Variants in PRMT8 observed in about 807,000 individuals in gnomAD.
PRMT8 encodes the protein protein arginine methyltransferase 8, also known as protein arginine N-methyltransferase 8.
A neutral mutation model predicts 47.1 loss-of-function variants in PRMT8; 7 were observed. The ratio of observed to expected loss-of-function variants is 0.15; its 90% CI spans 0.08 to 0.28. PRMT8 has a LOEUF of 0.28. Ranked by LOEUF, PRMT8 falls within the 10% of genes least tolerant of loss-of-function variation. The pLI, the probability that PRMT8 is intolerant of heterozygous loss-of-function variation, is 1.00. For synonymous variants in PRMT8, 188 were observed against 186.5 expected (o/e 1.01, Z -0.07); for missense variants, 237 against 505.4 (o/e 0.47, Z 5.09).
intron 1 of PRMT8, among the ~76,000 whole-genome samples, chr12:3,481,381 A>G (rs1270689950): frequency 6.6e-6 from 1 of 152,218 alleles, no homozygotes; most frequent in Non-Finnish European, 1.5e-5. Flanking sequence ...AAGGGGTGTC[A>G]TCTGCACTCC....
At chr12:3,486,404 G>C (rs1368222127), upstream of PRMT8, among the ~76,000 whole-genome samples, 2 of 152,068 alleles carry the variant, frequency 1.3e-5, no homozygotes, top group Non-Finnish European at 2.9e-5. Context: ...GAAGATAAGG[G>C]TCACCAGTGC....
chr12:3,576,802 G>C lies in PRMT8; in HGVS notation c.713-69G>C. 1 of 1,230,980 alleles carries C rather than the reference G, an allele frequency of 8.1e-7. No homozygotes were observed. The highest frequency in any genetic ancestry group is 1.2e-6 in the Non-Finnish European group (1 of 839,900). The allele number at this position is 1,230,980 out of a possible 1,614,324, so 76.3% of individuals were successfully genotyped here. ...AGCCCTCAGGCACGCTGTGCTCTAG[G>C]ACTCAGGAGGGTTGGGTGAGCTTCT... On this transcript the variant is annotated intron_variant, in intron 6 of 9. Coordinates refer to ENST00000382622, the MANE Select transcript of PRMT8 (RefSeq NM_019854.5). The surrounding 1 kb of genome is among the most constrained non-coding windows in gnomAD (Gnocchi z 4.0).
chr12:3,533,185 C>G (rs1457095849), intron 1 of PRMT8, among the ~76,000 whole-genome samples: 1 of 152,236 alleles, frequency 6.6e-6, no homozygotes, highest in Non-Finnish European at 1.5e-5. Flanking sequence ...CCCCCAACAT[C>G]CAGGCCTGGA....
rs1317107439 is a variant in PRMT8 at position 3,453,993 on chromosome 12, AG to A, written c.48+72554del. ...AGCAGCGACGTGCTCGGGTCACCTC[AG>A]GGCGGAGGGTTTGCAGGAAGGCCAG... On this transcript the variant is annotated intron_variant, in intron 1 of 9. Transcript: ENST00000452611. The surrounding 1 kb of genome is among the most constrained non-coding windows in gnomAD (Gnocchi z 4.9). Among the ~76,000 whole-genome samples, 1 of 152,138 alleles carries A rather than the reference AG, an allele frequency of 6.6e-6. No homozygotes were observed. The highest frequency in any genetic ancestry group is 1.9e-4 in the East Asian group (1 of 5,176).
At chr12:3,386,795 T>G (rs7956402) in intron 1 of PRMT8, among the ~76,000 whole-genome samples, 79,218 of 151,610 alleles carry the variant, frequency 0.52, 23,359 homozygotes, top group East Asian at 0.91. Context: ...CTGCAACTTC[T>G]GTCTCCCGGG....
At chr12:3,397,614 A>T (rs1183669407) in intron 1 of PRMT8, among the ~76,000 whole-genome samples, 1 of 151,866 alleles carries the variant, frequency 6.6e-6, no homozygotes, top group Non-Finnish European at 1.5e-5. Flanking sequence ...CTCTCTTCAA[A>T]GCTGTCAGAC....
At chr12:3,505,157 G>C (rs1865600167) in intron 1 of PRMT8, among the ~76,000 whole-genome samples, 1 of 151,196 alleles carries the variant, frequency 6.6e-6, no homozygotes, top group Non-Finnish European at 1.5e-5. Flanking sequence ...GAAATCACCC[G>C]TCTTCTGCGT....
rs1484298916 is a variant in PRMT8 at position 3,456,932 on chromosome 12, T to C, written c.48+75490T>C. Among the ~76,000 whole-genome samples, 2 of 152,050 alleles carry C rather than the reference T, an allele frequency of 1.3e-5. No homozygotes were observed. The highest frequency in any genetic ancestry group is 2.9e-5 in the Non-Finnish European group (2 of 67,998). ...CTTGCTGTGGCTGACGTCCTAGCCG[T>C]GTTAAGGGGGTGGGGGCTCTGGCCT... is the stretch of plus-strand genomic sequence containing the variant. On this transcript the variant is annotated intron_variant, in intron 1 of 9. Transcript: ENST00000452611. The surrounding 1 kb of genome is among the most constrained non-coding windows in gnomAD (Gnocchi z 4.2).
chr12:3,424,264 G>A (rs1864576797), intron 1 of PRMT8, among the ~76,000 whole-genome samples: 1 of 152,142 alleles, frequency 6.6e-6, no homozygotes, highest in Non-Finnish European at 1.5e-5. Flanking sequence ...CGAGGATTAA[G>A]GGGATTGGTT....
rs148741052 is a variant in PRMT8, at chr12:3,461,890, A to C, written c.49-78716A>C. 4.6e-3 allele frequency among the ~76,000 whole-genome samples: 701 copies of C among 152,238 alleles called. 17 individuals are homozygous for C. Among genetic ancestry groups the C allele is most frequent in the African/African-American group, 0.016 (669 of 41,466 alleles). On this transcript the variant is annotated intron_variant, in intron 1 of 9. Coordinates refer to the PRMT8 transcript ENST00000452611. The stretch of plus-strand genomic sequence containing the variant: ...CAAGCAGGTTTTTTAAAAAACCAAA[A>C]CAAAACAAAAATAACTTTTATTTTA...
rs1449729186 is a variant in PRMT8, at chr12:3,583,093, A to G, written c.864A>G (p.Leu288=). Residue 288 remains leucine, a synonymous_variant, in exon 8 of 10, where the codon CTA becomes CTG. Coordinates refer to ENST00000382622, the MANE Select transcript of PRMT8 (RefSeq NM_019854.5). The surrounding 1 kb of genome is among the most constrained non-coding windows in gnomAD (Gnocchi z 4.7). ...TTTACACAGTGAAGACGGAAGAGCT[A>G]TCGTTCACATCTGCATTCTGCCTGC... is the stretch of plus-strand genomic sequence containing the variant. ...VDIYTVKTEE[L]SFTSAFCLQI... The G allele has an allele frequency of 7.4e-6, 12 of 1,613,914 alleles. No homozygotes were observed. Among genetic ancestry groups the G allele is most frequent in the Middle Eastern group, 3.3e-4 (2 of 6,076 alleles).
intron 1 of PRMT8, among the ~76,000 whole-genome samples, chr12:3,404,192 A>G (rs1032239773): frequency 8.5e-5 from 13 of 152,136 alleles, no homozygotes; most frequent in Non-Finnish European, 1.8e-4. Context: ...ATTGGTATGT[A>G]TACTTCCTGT....
intron 1 of PRMT8, among the ~76,000 whole-genome samples, chr12:3,533,951 G>C (rs1866075716): frequency 6.6e-6 from 1 of 152,252 alleles, no homozygotes; most frequent in African/African-American, 2.4e-5. Flanking sequence ...CCACAGCTTA[G>C]ATCACAGCCT....
intron 1 of PRMT8, among the ~76,000 whole-genome samples, chr12:3,537,076 T>A (rs13328987): frequency 0.033 from 4,958 of 152,344 alleles, 110 homozygotes; most frequent in Middle Eastern, 0.085. Context: ...ACACTTCAAG[T>A]ACATTTTACC....
At position 3,491,252 on chromosome 12, in the gene PRMT8, C is replaced by T. The variant is rs1197683435; in HGVS notation, c.-374C>T. 5.1e-5 allele frequency: 52 copies of T among 1,024,346 alleles called. No individual in the cohort carries two copies. Among genetic ancestry groups the T allele is most frequent in the Non-Finnish European group, 5.7e-5 (49 of 855,436 alleles). 63.5% of individuals were successfully genotyped at this position (1,024,346 alleles called of 1,614,324 possible). On this transcript the variant is annotated 5_prime_UTR_variant, in exon 1 of 10. Coordinates refer to ENST00000382622, the MANE Select transcript of PRMT8 (RefSeq NM_019854.5). ...GTTGAGAGGAGTTGGCGGCTGCCTC[C>T]GGCCGGCCGGACTTTGCGAGCAGCC...
At chr12:3,477,355 G>C in intron 1 of PRMT8, among the ~76,000 whole-genome samples, 1 of 152,232 alleles carries the variant, frequency 6.6e-6, no homozygotes, top group East Asian at 1.9e-4. Flanking sequence ...AGAAGGCATG[G>C]CCTGTCCTTT....
intron 1 of PRMT8, among the ~76,000 whole-genome samples, chr12:3,494,997 A>G (rs1247511344): frequency 6.6e-6 from 1 of 152,176 alleles, no homozygotes; most frequent in East Asian, 1.9e-4. Flanking sequence ...TCCTCGGCTA[A>G]GGGAATCACC....
chr12:3,515,685 C>A (rs756885939), intron 1 of PRMT8, among the ~76,000 whole-genome samples: 1 of 152,206 alleles, frequency 6.6e-6, no homozygotes, highest in South Asian at 2.1e-4. Flanking sequence ...TGAGTAGAAG[C>A]ACATTGCTTT....
At chr12:3,432,935 C>T (rs1864698488) in intron 1 of PRMT8, among the ~76,000 whole-genome samples, 1 of 152,144 alleles carries the variant, frequency 6.6e-6, no homozygotes, top group Non-Finnish European at 1.5e-5. Context: ...AATGGCCATT[C>T]TCTTATAATC....
Sources: allele counts gnomAD v4.1 joint callset (sites outside exome capture counted in the v4.1 genomes callset), GRCh38; gene constraint gnomAD v4.1.1; non-coding constraint Gnocchi (gnomAD v3.1); transcripts MANE v1.5; gene names NCBI Gene and HGNC (gene_info 2026-07-23, HGNC 2026-07-21).